NTM: variants seen among roughly 807,000 people sequenced by gnomAD.
NTM encodes neurotrimin.
NTM carries 13 observed loss-of-function variants against 42.1 expected under a neutral mutation model. The ratio of observed to expected loss-of-function variants is 0.31; its 90% CI spans 0.20 to 0.49. The LOEUF (loss-of-function observed/expected upper bound fraction) is 0.49. Among genes scored for constraint, NTM ranks in the 20% least tolerant of loss-of-function variants. NTM has a pLI of 0.99. For missense variants in NTM, 373 were observed against 452.8 expected, an observed-to-expected ratio of 0.82 and a Z score of 1.60; for synonymous variants, 187 against 179.2, an observed-to-expected ratio of 1.04 and a Z score of -0.35.
chr11:131,713,970 C>T (rs2077426078), intron 1 of NTM, among the ~76,000 whole-genome samples: 1 of 152,202 alleles, frequency 6.6e-6, no homozygotes, highest in African/African-American at 2.4e-5. Context: ...GGGCAGTGGC[C>T]TGCCAGCTCC....
At chr11:131,777,745 A>C (rs895234782) in intron 1 of NTM, among the ~76,000 whole-genome samples, 2 of 152,048 alleles carry the variant, frequency 1.3e-5, no homozygotes, top group African/African-American at 4.8e-5. Flanking sequence ...GACTTTAAAA[A>C]CTTTTACATT....
intron 1 of NTM, among the ~76,000 whole-genome samples, chr11:131,798,699 A>G (rs968761341): frequency 5.3e-5 from 8 of 152,212 alleles, no homozygotes; most frequent in African/African-American, 1.9e-4. Context: ...TAAGGTGTGA[A>G]TATCAGCTAT....
chr11:131,538,147 TTCA>T (rs1181341831), intron 1 of NTM: 1 of 152,232 alleles, frequency 6.6e-6, no homozygotes, highest in Non-Finnish European at 1.5e-5. Flanking sequence ...AACAACTTTC[TTCA>T]TTTGAAATTT....
At chr11:131,461,165 C>T (rs745734120) in intron 1 of NTM, among the ~76,000 whole-genome samples, 8 of 152,314 alleles carry the variant, frequency 5.3e-5, no homozygotes, top group Middle Eastern at 6.8e-3. Context: ...CCAGAATCTA[C>T]GGGTATGCCT....
chr11:131,490,607 C>CA (rs1454695625), intron 1 of NTM, among the ~76,000 whole-genome samples: 1 of 152,074 alleles, frequency 6.6e-6, no homozygotes, highest in East Asian at 1.9e-4. Flanking sequence ...TGGTCTAGTG[C>CA]AAAAAGAGCT....
chr11:131,433,148 C>CGCCCA (rs749539569), intron 1 of NTM, among the ~76,000 whole-genome samples: 6 of 152,068 alleles, frequency 3.9e-5, no homozygotes, highest in Non-Finnish European at 8.8e-5. Context: ...TGAGCCACTG[C>CGCCCA]GCCCAGCCTA....
intron 1 of NTM, among the ~76,000 whole-genome samples, chr11:131,827,641 A>G (rs1273222179): frequency 1.3e-5 from 2 of 152,188 alleles, no homozygotes; most frequent in Non-Finnish European, 2.9e-5. Flanking sequence ...GCTGTCCTCT[A>G]CAGTGATCAT....
intron 1 of NTM, among the ~76,000 whole-genome samples, chr11:131,517,517 T>G (rs189741387): frequency 6.6e-6 from 1 of 152,284 alleles, no homozygotes; most frequent in African/African-American, 2.4e-5. Context: ...TTCTTTCTGC[T>G]TACTTGTCAA....
chr11:131,799,912 TA>T (rs2091959679), intron 1 of NTM, among the ~76,000 whole-genome samples: 1 of 152,192 alleles, frequency 6.6e-6, no homozygotes, highest in Non-Finnish European at 1.5e-5. Flanking sequence ...TCTCCCCATA[TA>T]TAAGAACTTA....
intron 3 of NTM, among the ~76,000 whole-genome samples, chr11:132,174,638 T>C (rs1034833687): frequency 6.6e-5 from 10 of 152,058 alleles, no homozygotes; most frequent in African/African-American, 1.9e-4. Flanking sequence ...TTTCTCTGAG[T>C]GGTGTGATTT....
At chr11:131,735,214 G>A (rs975557322) in intron 1 of NTM, among the ~76,000 whole-genome samples, 7 of 152,352 alleles carry the variant, frequency 4.6e-5, no homozygotes, top group Middle Eastern at 6.8e-3. Context: ...CTGGCTAGAT[G>A]TTGGCAAAGC....
intron 2 of NTM, among the ~76,000 whole-genome samples, chr11:132,112,497 G>A (rs2063340230): frequency 6.6e-6 from 1 of 152,152 alleles, no homozygotes. Context: ...GCTTTGGTAT[G>A]GGAATGACTG....
chr11:132,250,803 A>G (rs1466977125), intron 4 of NTM, among the ~76,000 whole-genome samples: 1 of 151,980 alleles, frequency 6.6e-6, no homozygotes, highest in Non-Finnish European at 1.5e-5. Context: ...TCTTTATATA[A>G]AGATATTTGT....
intron 1 of NTM, among the ~76,000 whole-genome samples, chr11:131,895,347 A>G (rs559546284): frequency 6.6e-6 from 1 of 151,758 alleles, no homozygotes; most frequent in Admixed American, 6.6e-5. Flanking sequence ...GACACTCTGC[A>G]TACCACAACC....
chr11:132,174,670 C>T (rs990533334), intron 3 of NTM, among the ~76,000 whole-genome samples: 4 of 152,018 alleles, frequency 2.6e-5, no homozygotes, highest in African/African-American at 9.7e-5. Flanking sequence ...TCTTCCTTTC[C>T]TTTCTCTTTC....
intron 7 of NTM, among the ~76,000 whole-genome samples, chr11:132,328,924 C>T (rs561783792): frequency 3.9e-5 from 6 of 152,254 alleles, no homozygotes; most frequent in Admixed American, 6.5e-5. Flanking sequence ...TTTTCCCTAC[C>T]GTCCTGCAGT....
At chr11:132,223,709 A>C (rs1192121826) in intron 4 of NTM, among the ~76,000 whole-genome samples, 2 of 152,348 alleles carry the variant, frequency 1.3e-5, no homozygotes, top group East Asian at 3.9e-4. Context: ...TGAATAAAAT[A>C]AACATGAGTT....
intron 1 of NTM, among the ~76,000 whole-genome samples, chr11:131,869,659 G>GGAAA (rs2047575863): frequency 6.6e-6 from 1 of 152,186 alleles, no homozygotes; most frequent in South Asian, 2.1e-4. Context: ...AGAAACAGAA[G>GGAAA]GAAACTTCAG....
chr11:132,136,939 G>T (rs188456266), intron 2 of NTM, among the ~76,000 whole-genome samples: 3 of 152,084 alleles, frequency 2.0e-5, no homozygotes, highest in Non-Finnish European at 4.4e-5. Context: ...CTTCATAGTC[G>T]CACTAGGCCT....
Sources: gnomAD v4.1 joint callset for allele counts (sites outside exome capture counted in the v4.1 genomes callset) on GRCh38, gnomAD v4.1.1 for gene constraint, MANE v1.5 for transcripts, NCBI Gene and HGNC (gene_info 2026-07-23, HGNC 2026-07-21) for gene names.